The following GJA10 variants were observed in gnomAD, a reference collection of about 807,000 sequenced individuals.
GJA10 encodes gap junction protein alpha 10, also known as gap junction alpha-10 protein.
For synonymous variants in GJA10, 239 were observed against 233.0 expected, an observed-to-expected ratio of 1.03 and a Z score of -0.23; for missense variants, 685 against 651.9, an observed-to-expected ratio of 1.05 and a Z score of -0.55.
chr6:89,894,762 T>C lies in GJA10; in HGVS notation c.294T>C (p.Tyr98=), dbSNP rs769713121. ...TGGTCTATATGGGCCATGCACTTTA[T>C]AGGCTCAGGGCCTTTGAGAAAGACA... ...PSLVYMGHAL[Y]RLRAFEKDRQ... Residue 98 remains tyrosine (Y), a synonymous_variant, in exon 1 of 1, where the codon TAT becomes TAC. Coordinates refer to ENST00000369352, the MANE Select transcript of GJA10 (RefSeq NM_032602.2). 6.2e-7 allele frequency: 1 copy of C among 1,614,236 alleles called. No individual in the cohort carries two copies. Among genetic ancestry groups the C allele is most frequent in the South Asian group, 1.1e-5 (1 of 91,088 alleles).
At position 89,895,280 on chromosome 6, in the gene GJA10, T is replaced by G; in HGVS notation, c.812T>G (p.Met271Arg). 6.2e-7 allele frequency: 1 copy of G among 1,614,180 alleles called. No individual in the cohort carries two copies. Among genetic ancestry groups the G allele is most frequent in the Non-Finnish European group, 8.5e-7 (1 of 1,180,042 alleles). ...LKKYSVAQQCMICSSLPERIS... is the reference protein window; with the variant it reads ...LKKYSVAQQCRICSSLPERIS... The stretch of plus-strand genomic sequence containing the variant: ...AAATATTCTGTGGCCCAGCAGTGTA[T>G]GATTTGCTCTTCATTGCCTGAAAGA... The change falls in exon 1 of 1, where the codon ATG (methionine) becomes AGG (arginine). Residue 271 changes from methionine to arginine, a missense_variant. Met to Arg is a moderately conservative substitution (Grantham distance 91). Transcript: ENST00000369352.
Position 89,894,880 on chromosome 6 carries a change from T to A in GJA10, c.412T>A (p.Leu138Ile), listed in dbSNP as rs114953447. 7.2e-4 allele frequency: 1,156 copies of A among 1,613,818 alleles called. 7 individuals carry two copies. In the African/African-American group the frequency reaches 0.014, roughly 20 times the overall value. ...AAGAATAGATAGGGAACTGAGGAGG[T>A]TAGAGGAGCAGAAGAGGATCCATAA... Reference protein sequence around the residue: ...QQRIDRELRRLEEQKRIHKVP... With the variant: ...QQRIDRELRRIEEQKRIHKVP... Residue 138 changes from leucine (L) to isoleucine (I), a missense_variant, in exon 1 of 1, where the codon TTA (leucine) becomes ATA (isoleucine). By Grantham distance (5) the Leu-to-Ile change is conservative. Coordinates refer to ENST00000369352, the MANE Select transcript of GJA10 (RefSeq NM_032602.2).
chr6:89,895,243 T>A lies in GJA10; in HGVS notation c.775T>A (p.Phe259Ile). The A allele has an allele frequency of 6.2e-7, 1 of 1,614,172 alleles. No homozygotes were observed. The highest frequency in any genetic ancestry group is 8.5e-7 in the Non-Finnish European group (1 of 1,180,020). Residue 259 changes from phenylalanine (F) to isoleucine (I), a missense_variant, in exon 1 of 1, where the codon TTC (phenylalanine) becomes ATC (isoleucine). By Grantham distance (21) the Phe-to-Ile change is conservative (BLOSUM62 0). Coordinates refer to ENST00000369352, the MANE Select transcript of GJA10 (RefSeq NM_032602.2). ...CATTGAGGATGAAACAGGCCCTCCA[T>A]TCCATTTGAAGAAATATTCTGTGGC... ...EGIEDETGPP[F>I]HLKKYSVAQQ...
At position 89,894,653 on chromosome 6, in the gene GJA10, A is replaced by G; in HGVS notation, c.185A>G (p.Asn62Ser). Residue 62 changes from asparagine (N) to serine (S), a missense_variant, in exon 1 of 1, where the codon AAC becomes AGC. Coordinates refer to ENST00000369352, the MANE Select transcript of GJA10 (RefSeq NM_032602.2). ...FACNTRQPGC[N>S]NICYDDAFPI... is the part of the protein sequence containing the mutation. ...TGCAACACCCGGCAGCCAGGTTGCA[A>G]CAATATCTGTTATGATGATGCATTC... 1 of 1,614,244 alleles carries G rather than the reference A, an allele frequency of 6.2e-7. No individual in the cohort carries two copies. Among genetic ancestry groups the G allele is most frequent in the Non-Finnish European group, 8.5e-7 (1 of 1,180,040 alleles).
In GJA10 at chr6:89,895,668, A is replaced by G. The variant is rs1442080814; in HGVS notation, c.1200A>G (p.Thr400=). 3 of 1,614,242 alleles carry G rather than the reference A, an allele frequency of 1.9e-6. No homozygotes were observed. The highest frequency in any genetic ancestry group is 3.3e-5 in the Admixed American group (2 of 60,028). ...CAGAACCCTCAGGTGAGCCTCTCAC[A>G]GATCTTCATAGTCACTGCAGAGACA... The part of the protein sequence containing the change: ...QDPEPSGEPL[T]DLHSHCRDSE... The change falls in exon 1 of 1, where the codon ACA becomes ACG. Residue 400 remains threonine, a synonymous_variant. Transcript: ENST00000369352.
rs771851823 is a variant in GJA10, at chr6:89,895,464, C to G, written c.996C>G (p.Leu332=). 6.2e-7 allele frequency: 1 copy of G among 1,614,198 alleles called. No individual in the cohort carries two copies. Among genetic ancestry groups the G allele is most frequent in the East Asian group, 2.2e-5 (1 of 44,890 alleles). The change falls in exon 1 of 1, where the codon CTC becomes CTG. Residue 332 remains leucine, a synonymous_variant. Coordinates refer to ENST00000369352, the MANE Select transcript of GJA10 (RefSeq NM_032602.2). ...WSEKDQHSGQ[L]HVHSPCPWAG... is the part of the protein sequence containing the mutation. ...AGAAGGATCAGCATAGCGGACAGCTCCATGTTCACAGCCCGTGTCCCTGGG... is the reference window on the plus strand; with the variant it reads ...AGAAGGATCAGCATAGCGGACAGCTGCATGTTCACAGCCCGTGTCCCTGGG...
rs780921004 is a variant in GJA10, at chr6:89,895,404, A to C, written c.936A>C (p.Glu312Asp). The C allele has an allele frequency of 6.2e-7, 1 of 1,614,242 alleles. No homozygotes were observed. Among genetic ancestry groups the C allele is most frequent in the Non-Finnish European group, 8.5e-7 (1 of 1,180,034 alleles). The change falls in exon 1 of 1, where the codon GAA becomes GAC. Residue 312 changes from glutamate to aspartate, a missense_variant. Glu to Asp is a conservative substitution (Grantham distance 45). Coordinates refer to ENST00000369352, the MANE Select transcript of GJA10 (RefSeq NM_032602.2). ...MWQIPQPRQLEVDPSNGKKDW... is the reference protein window; with the variant it reads ...MWQIPQPRQLDVDPSNGKKDW... ...AAATCCCACAGCCAAGGCAACTTGA[A>C]GTAGACCCTTCCAATGGGAAAAAGG...
rs1771716262 is a variant in GJA10, at chr6:89,894,777, TG to T, written c.310del (p.Glu104ArgfsTer28). ...ATGCACTTTATAGGCTCAGGGCCTT[TG>T]AGAAAGACAGGCAGAGGAAAAAGTC... On this transcript the variant is annotated frameshift_variant, in exon 1 of 2. Coordinates refer to the GJA10 transcript ENST00000638915. LOFTEE classifies it high-confidence loss of function. The T allele has an allele frequency of 6.2e-7, 1 of 1,614,236 alleles. No homozygotes were observed. Among genetic ancestry groups the T allele is most frequent in the African/African-American group, 1.3e-5 (1 of 75,058 alleles).
At position 89,895,418 on chromosome 6, in the gene GJA10, A is replaced by G. The variant is rs1478904754; in HGVS notation, c.950A>G (p.Asn317Ser). ...QPRQLEVDPS[N>S]GKKDWSEKDQ... ...AGGCAACTTGAAGTAGACCCTTCCA[A>G]TGGGAAAAAGGACTGGTCTGAGAAG... Residue 317 changes from asparagine (N) to serine (S), a missense_variant, in exon 1 of 1, where the codon AAT becomes AGT. Asn to Ser is a conservative substitution (Grantham distance 46). Coordinates refer to ENST00000369352, the MANE Select transcript of GJA10 (RefSeq NM_032602.2). The G allele has an allele frequency of 5.0e-6, 8 of 1,614,094 alleles. No homozygotes were observed. The highest frequency in any genetic ancestry group is 1.3e-5 in the African/African-American group (1 of 74,934).
In GJA10 at chr6:89,894,810, T is replaced by C; in HGVS notation, c.342T>C (p.Leu114=). ...EKDRQRKKSH[L]RAQMENPDLD... is the part of the protein sequence containing the mutation. ...ACAGGCAGAGGAAAAAGTCACACCT[T>C]AGAGCCCAGATGGAGAATCCAGATC... Residue 114 remains leucine (L), a synonymous_variant, in exon 1 of 1, where the codon CTT becomes CTC. Coordinates refer to ENST00000369352, the MANE Select transcript of GJA10 (RefSeq NM_032602.2). 6.2e-6 allele frequency: 10 copies of C among 1,614,132 alleles called. No homozygotes were observed. Among genetic ancestry groups the C allele is most frequent in the Non-Finnish European group, 8.5e-6 (10 of 1,180,036 alleles).
Position 89,894,542 on chromosome 6 carries a change from G to A in GJA10, c.74G>A (p.Trp25Ter). ...CACTCAACCATAGTGGGGAAAATCT[G>A]GCTGACCATCCTCTTCATCTTCCGA... The change falls in exon 1 of 2, where the codon TGG becomes TAG. Residue 25 changes from tryptophan (W) to a stop codon, truncating the protein, a stop_gained. Coordinates refer to the GJA10 transcript ENST00000638915. LOFTEE classifies it high-confidence loss of function. 6.2e-7 allele frequency: 1 copy of A among 1,614,154 alleles called. No homozygotes were observed.
In GJA10 at chr6:89,895,161, T is replaced by A. The variant is rs1386055962; in HGVS notation, c.693T>A (p.Phe231Leu). 6.2e-7 allele frequency: 1 copy of A among 1,614,120 alleles called. No individual in the cohort carries two copies. Among genetic ancestry groups the A allele is most frequent in the South Asian group, 1.1e-5 (1 of 91,076 alleles). The change falls in exon 1 of 1, where the codon TTT becomes TTA. Residue 231 changes from phenylalanine (F) to leucine (L), a missense_variant. Coordinates refer to ENST00000369352, the MANE Select transcript of GJA10 (RefSeq NM_032602.2). ...TGTTACTCAATATACTGGAAATATTTCATCTAGGCATCAGAAAAATTATGA... is the reference window on the plus strand; with the variant it reads ...TGTTACTCAATATACTGGAAATATTACATCTAGGCATCAGAAAAATTATGA... ...ISLLLNILEIFHLGIRKIMRT... is the reference protein window; with the variant it reads ...ISLLLNILEILHLGIRKIMRT...
At position 89,895,112 on chromosome 6, in the gene GJA10, T is replaced by G. The variant is rs765153427; in HGVS notation, c.644T>G (p.Met215Arg). The G allele has an allele frequency of 6.2e-7, 1 of 1,614,214 alleles. No homozygotes were observed. The highest frequency in any genetic ancestry group is 8.5e-7 in the Non-Finnish European group (1 of 1,180,042). The change falls in exon 1 of 1, where the codon ATG (methionine) becomes AGG (arginine). Residue 215 changes from methionine to arginine, a missense_variant. Transcript: ENST00000369352. ...GAGAAGACAATTTTCATGCTTTTTA[T>G]GCACAGCATTGCAGCCATTTCCTTG... Reference protein sequence around the residue: ...PTEKTIFMLFMHSIAAISLLL... With the variant: ...PTEKTIFMLFRHSIAAISLLL...
In GJA10 at chr6:89,894,936, T is replaced by A. The variant is rs757096349; in HGVS notation, c.468T>A (p.Thr156=). The A allele has an allele frequency of 6.2e-7, 1 of 1,614,190 alleles. No homozygotes were observed. The highest frequency in any genetic ancestry group is 8.5e-7 in the Non-Finnish European group (1 of 1,180,022). Residue 156 remains threonine, a synonymous_variant, in exon 1 of 1, where the codon ACT becomes ACA. Coordinates refer to ENST00000369352, the MANE Select transcript of GJA10 (RefSeq NM_032602.2). ...CTCTGAAAGGATGTCTGCTGCGTAC[T>A]TATGTCTTACACATCTTGACCAGAT... ...KVPLKGCLLR[T]YVLHILTRSV...
At position 89,895,169 on chromosome 6, in the gene GJA10, G is replaced by A. The variant is rs1321357071; in HGVS notation, c.701G>A (p.Gly234Asp). Residue 234 changes from glycine (G) to aspartate (D), a missense_variant, in exon 1 of 1, where the codon GGC (glycine) becomes GAC (aspartate). Physicochemically the swap from Gly to Asp is moderately conservative, Grantham distance 94 (BLOSUM62 -1). Coordinates refer to ENST00000369352, the MANE Select transcript of GJA10 (RefSeq NM_032602.2). The stretch of plus-strand genomic sequence containing the variant: ...AATATACTGGAAATATTTCATCTAG[G>A]CATCAGAAAAATTATGAGGACACTT... The part of the protein sequence containing the change: ...LLNILEIFHL[G>D]IRKIMRTLYK... 3.7e-6 allele frequency: 6 copies of A among 1,613,908 alleles called. No homozygotes were observed. Among genetic ancestry groups the A allele is most frequent in the Non-Finnish European group, 5.1e-6 (6 of 1,180,016 alleles).
Position 89,895,529 on chromosome 6 carries a change from A to T in GJA10, c.1061A>T (p.Asp354Val), listed in dbSNP as rs781538257. 6.2e-7 allele frequency: 1 copy of T among 1,614,042 alleles called. No homozygotes were observed. Among genetic ancestry groups the T allele is most frequent in the African/African-American group, 1.3e-5 (1 of 74,920 alleles). Reference sequence around the variant, plus strand: ...AATCAGCACCTGGGACAGCAATCAGACCATTCCTCATTTGGCCTGCAGAAT... The same window carrying T: ...AATCAGCACCTGGGACAGCAATCAGTCCATTCCTCATTTGGCCTGCAGAAT... Reference protein sequence around the residue: ...AGNQHLGQQSDHSSFGLQNTM... With the variant: ...AGNQHLGQQSVHSSFGLQNTM... Residue 354 changes from aspartate (D) to valine (V), a missense_variant, in exon 1 of 1, where the codon GAC (aspartate) becomes GTC (valine). By Grantham distance (152) the Asp-to-Val change is radical. Transcript: ENST00000369352.
Position 89,895,362 on chromosome 6 carries a change from GTCTAAAACCATGTGGCAAA to G in GJA10, c.897_915del (p.Lys300HisfsTer8). The G allele has an allele frequency of 6.2e-7, 1 of 1,614,148 alleles. No homozygotes were observed. The highest frequency in any genetic ancestry group is 8.5e-7 in the Non-Finnish European group (1 of 1,180,036). On this transcript the variant is annotated frameshift_variant, in exon 1 of 2. Coordinates refer to the GJA10 transcript ENST00000638915. LOFTEE classifies it high-confidence loss of function. ...AAGTCATTCGAGTTAATGTGCCAAAGTCTAAAACCATGTGGCAAATCCCACAGCCAAGGCAACTTGAAGT... is the reference window on the plus strand; with the variant it reads ...AAGTCATTCGAGTTAATGTGCCAAAGTCCCACAGCCAAGGCAACTTGAAGT...
rs574056749 is a variant in GJA10, at chr6:89,894,939, T to A, written c.471T>A (p.Tyr157Ter). 1.9e-6 allele frequency: 3 copies of A among 1,614,084 alleles called. No individual in the cohort carries two copies. Among genetic ancestry groups the A allele is most frequent in the African/African-American group, 2.7e-5 (2 of 74,934 alleles). Residue 157 changes from tyrosine (Y) to a stop codon, truncating the protein, a stop_gained, in exon 1 of 2, where the codon TAT becomes TAA. Transcript: ENST00000638915. LOFTEE classifies it high-confidence loss of function. Reference sequence around the variant, plus strand: ...TGAAAGGATGTCTGCTGCGTACTTATGTCTTACACATCTTGACCAGATCTG... The same window carrying A: ...TGAAAGGATGTCTGCTGCGTACTTAAGTCTTACACATCTTGACCAGATCTG...
In GJA10 at chr6:89,895,896, C is replaced by T; in HGVS notation, c.1428C>T (p.His476=). 3 of 1,614,150 alleles carry T rather than the reference C, an allele frequency of 1.9e-6. No individual in the cohort carries two copies. The highest frequency in any genetic ancestry group is 2.5e-6 in the Non-Finnish European group (3 of 1,180,032). Residue 476 remains histidine, a synonymous_variant, in exon 1 of 1, where the codon CAC becomes CAT. Transcript: ENST00000369352. ...SPSPLPSVTG[H]RTSMVRQAAL... is the part of the protein sequence containing the mutation. Reference sequence around the variant, plus strand: ...CACCTCTGCCTTCAGTCACTGGGCACAGAACATCAATGGTAAGACAGGCAG... The same window carrying T: ...CACCTCTGCCTTCAGTCACTGGGCATAGAACATCAATGGTAAGACAGGCAG...
Sources: gnomAD v4.1 joint callset for allele counts on GRCh38, gnomAD v4.1.1 for gene constraint, MANE v1.5 for transcripts, NCBI Gene and HGNC (gene_info 2026-07-23, HGNC 2026-07-21) for gene names.